Variants in PRKG2 observed in about 807,000 individuals in gnomAD.
The protein encoded by PRKG2 is protein kinase cGMP-dependent 2.
Under a neutral mutation model 97.2 loss-of-function variants are expected in PRKG2, and 33 were observed. The ratio of observed to expected loss-of-function variants is 0.34; its 90% CI spans 0.26 to 0.45. The LOEUF (loss-of-function observed/expected upper bound fraction) is 0.45. Among genes scored for constraint, PRKG2 ranks in the 20% least tolerant of loss-of-function variants. The pLI is 1.00. For missense variants in PRKG2, 638 were observed against 900.0 expected (o/e 0.71, Z 3.73); for synonymous variants, 330 against 321.8 (o/e 1.03, Z -0.27).
At chr4:81,155,019 A>G (rs1403003295) in intron 6 of PRKG2, among the ~76,000 whole-genome samples, 2 of 148,850 alleles carry the variant, frequency 1.3e-5, no homozygotes, top group Non-Finnish European at 3.0e-5. Context: ...CTAAAAATAC[A>G]AAAAAAAAAT....
At chr4:81,134,530 A>G (rs1246082100) in intron 14 of PRKG2, among the ~76,000 whole-genome samples, 1 of 152,132 alleles carries the variant, frequency 6.6e-6, no homozygotes, top group Non-Finnish European at 1.5e-5. Flanking sequence ...TGTCCAGTCT[A>G]TTATAGCTTC....
intron 14 of PRKG2, among the ~76,000 whole-genome samples, chr4:81,113,724 C>T (rs917534192): frequency 2.0e-5 from 3 of 152,096 alleles, no homozygotes; most frequent in Non-Finnish European, 4.4e-5. Flanking sequence ...TCTAATTAAA[C>T]CAGATGATTC....
At chr4:81,166,234 C>T (rs1214141996) in intron 6 of PRKG2, among the ~76,000 whole-genome samples, 1 of 152,078 alleles carries the variant, frequency 6.6e-6, no homozygotes, top group African/African-American at 2.4e-5. Context: ...CCCTGCTTGA[C>T]AGATATTAGT....
chr4:81,182,254 A>T lies in PRKG2; in HGVS notation c.462-7295T>A, dbSNP rs1056695023. ...ATATTCTAGATTAGATTGAACATTAACATAATTATCAACATGAAAAGAATA... is the reference window on the plus strand; with the variant it reads ...ATATTCTAGATTAGATTGAACATTATCATAATTATCAACATGAAAAGAATA... On this transcript the variant is annotated intron_variant, in intron 2 of 18. Transcript: ENST00000264399. Among the ~76,000 whole-genome samples the T allele has an allele frequency of 4.6e-5, 7 of 151,958 alleles. No individual in the cohort carries two copies. The South Asian group carries it at 1.4e-3, about 31-fold the overall frequency.
intron 13 of PRKG2, among the ~76,000 whole-genome samples, 155 bp downstream of exon 13, chr4:81,137,238 T>C (rs971959598): frequency 1.1e-4 from 17 of 152,236 alleles, no homozygotes; most frequent in African/African-American, 3.6e-4. Context: ...TACGGCACTA[T>C]TGTAGCATTA....
At chr4:81,216,799 G>C (rs1413847417), upstream of PRKG2, among the ~76,000 whole-genome samples, 1 of 151,586 alleles carries the variant, frequency 6.6e-6, no homozygotes, top group Non-Finnish European at 1.5e-5. Context: ...CTTTGTTTCT[G>C]AGTAATTTCA....
intron 6 of PRKG2, among the ~76,000 whole-genome samples, chr4:81,158,548 A>G (rs1749314743): frequency 6.6e-6 from 1 of 152,136 alleles, no homozygotes; most frequent in Admixed American, 6.5e-5. Flanking sequence ...ATTCAATGCC[A>G]TCCCCATCAA....
At chr4:81,193,153 G>A (rs1180306428) in intron 2 of PRKG2, 1 of 152,118 alleles carries the variant, frequency 6.6e-6, no homozygotes, top group Admixed American at 6.6e-5. Context: ...ATCTATCAAG[G>A]ATTTTTTGTG....
At position 81,088,789 on chromosome 4, in the gene PRKG2, C is replaced by CA. The variant is rs1491536752; in HGVS notation, c.*918dup. On this transcript the variant is annotated 3_prime_UTR_variant, in exon 19 of 19. Coordinates refer to ENST00000264399, the MANE Select transcript of PRKG2 (RefSeq NM_006259.3). ...ATTTTGGTTTATTAATAGCAACTAT[C>CA]ACAGAATTTTTCAAAATACCTCAGA... 6.6e-6 allele frequency: 1 copy of CA among 152,130 alleles called. No individual in the cohort carries two copies. Among genetic ancestry groups the CA allele is most frequent in the Non-Finnish European group, 1.5e-5 (1 of 68,004 alleles). The allele number at this position is 152,130 out of a possible 1,614,324, so 9.4% of individuals were successfully genotyped here.
At chr4:81,192,546 A>T (rs753103758) in intron 2 of PRKG2, among the ~76,000 whole-genome samples, 3 of 152,154 alleles carry the variant, frequency 2.0e-5, no homozygotes, top group Non-Finnish European at 4.4e-5. Context: ...TCCTTGCTTC[A>T]TTATATTGGA....
chr4:81,147,005 GT>G (rs1747914215), intron 9 of PRKG2, among the ~76,000 whole-genome samples: 2 of 151,982 alleles, frequency 1.3e-5, no homozygotes, highest in Admixed American at 6.6e-5. Flanking sequence ...CTGATAATCA[GT>G]TTGTCTTATC....
At position 81,087,917 on chromosome 4, in the gene PRKG2, A is replaced by T. The variant is rs1741241282; in HGVS notation, c.*1791T>A. Reference sequence around the variant, plus strand: ...ACTATTGATCTGCTTTGAGAATATCATTCCTATTATAACTGTATAGTTCTA... The same window carrying T: ...ACTATTGATCTGCTTTGAGAATATCTTTCCTATTATAACTGTATAGTTCTA... On this transcript the variant is annotated 3_prime_UTR_variant, in exon 19 of 19. Coordinates refer to ENST00000264399, the MANE Select transcript of PRKG2 (RefSeq NM_006259.3). 1.3e-5 allele frequency: 2 copies of T among 152,180 alleles called. No homozygotes were observed. The highest frequency in any genetic ancestry group is 2.9e-5 in the Non-Finnish European group (2 of 68,008). The allele number at this position is 152,180 out of a possible 1,614,324, so 9.4% of individuals were successfully genotyped here. A position where few individuals can be genotyped will look rare whatever the true frequency, so the allele number is the denominator to read the frequency against.
chr4:81,100,720 T>C (rs1328364202), intron 17 of PRKG2, among the ~76,000 whole-genome samples: 1 of 151,886 alleles, frequency 6.6e-6, no homozygotes, highest in Non-Finnish European at 1.5e-5. Flanking sequence ...ACAAATGAGA[T>C]CTAATTAAAC....
At chr4:81,105,359 T>G (rs1743219815) in intron 16 of PRKG2, among the ~76,000 whole-genome samples, 1 of 152,194 alleles carries the variant, frequency 6.6e-6, no homozygotes, top group African/African-American at 2.4e-5. Context: ...TGTTCAAATT[T>G]TTTAGCTCTT....
intron 2 of PRKG2, among the ~76,000 whole-genome samples, chr4:81,189,018 T>TATA (rs1218567872): frequency 1.6e-5 from 1 of 61,252 alleles, no homozygotes; most frequent in Non-Finnish European, 2.6e-5. Flanking sequence ...AAACTTAAAG[T>TATA]ATAATAATAA....
chr4:81,190,568 A>C (rs146592580), intron 2 of PRKG2, among the ~76,000 whole-genome samples: 4 of 152,330 alleles, frequency 2.6e-5, no homozygotes, highest in African/African-American at 9.6e-5. Context: ...AATGGTAACA[A>C]AAGCCAAAAT....
intron 8 of PRKG2, 23 bp downstream of exon 8, chr4:81,151,937 T>G (rs1279429310): frequency 6.5e-7 from 1 of 1,539,800 alleles, no homozygotes. Context: ...ATCCAAAGTA[T>G]GGCATATAAT....
chr4:81,092,008 TATG>T (rs1248247262), intron 18 of PRKG2, among the ~76,000 whole-genome samples: 2 of 152,188 alleles, frequency 1.3e-5, no homozygotes, highest in Non-Finnish European at 2.9e-5. Flanking sequence ...TTGGAGGTAT[TATG>T]ATAATTAAAA....
intron 6 of PRKG2, 149 bp downstream of exon 6, chr4:81,167,012 G>C: frequency 1.8e-6 from 1 of 556,322 alleles, no homozygotes; most frequent in African/African-American, 2.0e-5. Flanking sequence ...CACAGCATGA[G>C]TTGGCTTAAG....
Sources: allele counts gnomAD v4.1 joint callset (sites outside exome capture counted in the v4.1 genomes callset), GRCh38; gene constraint gnomAD v4.1.1; transcripts MANE v1.5; gene names NCBI Gene and HGNC (gene_info 2026-07-23, HGNC 2026-07-21).